CSMD3: variants seen among roughly 807,000 people sequenced by gnomAD.
CSMD3 encodes the protein CUB and sushi domain-containing protein 3.
Under a neutral mutation model 435.2 loss-of-function variants are expected in CSMD3, and 177 were observed. That is an observed-to-expected ratio of 0.41 (90% confidence interval 0.36 to 0.46). CSMD3 has a LOEUF of 0.46. Among genes scored for constraint, CSMD3 ranks in the 20% least tolerant of loss-of-function variants. The pLI is 0.34. For missense variants in CSMD3, 4,265 were observed against 4,504.6 expected (o/e 0.95, Z 1.52); for synonymous variants, 1,656 against 1,520.5 (o/e 1.09, Z -2.07).
At chr8:112,564,926 T>C (rs1488771080) in intron 24 of CSMD3, among the ~76,000 whole-genome samples, 3 of 152,124 alleles carry the variant, frequency 2.0e-5, no homozygotes, top group African/African-American at 7.2e-5. Context: ...AGTTTTGATA[T>C]TTACATTTAG....
intron 40 of CSMD3, among the ~76,000 whole-genome samples, chr8:112,350,417 A>C (rs1826031166): frequency 6.6e-6 from 1 of 151,978 alleles, no homozygotes; most frequent in Admixed American, 6.6e-5. Flanking sequence ...TACTTTAGTC[A>C]ACCCCAGTCT....
intron 23 of CSMD3, among the ~76,000 whole-genome samples, chr8:112,582,630 A>G (rs1586732406): frequency 6.6e-6 from 1 of 152,034 alleles, no homozygotes; most frequent in African/African-American, 2.4e-5. Flanking sequence ...GAGCCAAAGC[A>G]TAACATGAAA....
intron 4 of CSMD3, among the ~76,000 whole-genome samples, chr8:113,126,087 G>A (rs995917587): frequency 4.6e-5 from 7 of 152,064 alleles, no homozygotes; most frequent in African/African-American, 1.7e-4. Flanking sequence ...CACTTGAGAG[G>A]AGAAGGCATA....
At chr8:112,389,265 T>C (rs1228227717) in intron 36 of CSMD3, among the ~76,000 whole-genome samples, 2 of 152,170 alleles carry the variant, frequency 1.3e-5, no homozygotes, top group Non-Finnish European at 2.9e-5. Context: ...ATTTAATATA[T>C]AGATGCTCTT....
chr8:113,021,995 T>C (rs1324174565), intron 5 of CSMD3, among the ~76,000 whole-genome samples: 1 of 152,176 alleles, frequency 6.6e-6, no homozygotes, highest in East Asian at 1.9e-4. Flanking sequence ...CAGTCATTGG[T>C]TATAGGCGAG....
rs191820282 is a variant in CSMD3 at position 112,230,560 on chromosome 8, G to A, written c.10828+985C>T. Among the ~76,000 whole-genome samples, 291 of 152,226 alleles carry A rather than the reference G, an allele frequency of 1.9e-3. 3 individuals carry two copies. Among genetic ancestry groups the A allele is most frequent in the Middle Eastern group, 3.4e-3 (1 of 294 alleles). ...TCCCAGCACTTGGGGAGGCCAAGGC[G>A]GGCGGATCACCTGAGGTCAGGAGTT... On this transcript the variant is annotated intron_variant, in intron 69 of 70. Coordinates refer to ENST00000297405, the MANE Select transcript of CSMD3 (RefSeq NM_198123.2).
intron 12 of CSMD3, among the ~76,000 whole-genome samples, chr8:112,823,697 G>T (rs1340394015): frequency 6.6e-6 from 1 of 152,042 alleles, no homozygotes; most frequent in Non-Finnish European, 1.5e-5. Flanking sequence ...TGTTTGTTAT[G>T]ATTTCAGTTC....
At chr8:112,755,248 G>A (rs576984185) in intron 13 of CSMD3, among the ~76,000 whole-genome samples, 110 of 151,884 alleles carry the variant, frequency 7.2e-4, no homozygotes, top group Non-Finnish European at 1.3e-3. Context: ...GGAGAATGGC[G>A]TGAACCCGGG....
At chr8:112,420,269 T>C (rs1055199906) in intron 32 of CSMD3, among the ~76,000 whole-genome samples, 2 of 152,174 alleles carry the variant, frequency 1.3e-5, no homozygotes, top group African/African-American at 4.8e-5. Flanking sequence ...TGTCTCTTCC[T>C]ATCCGACCTG....
rs2130756366 is a variant in CSMD3 at position 112,301,778 on chromosome 8, A to T, written c.8440+15T>A. 6.2e-7 allele frequency: 1 copy of T among 1,610,804 alleles called. No individual in the cohort carries two copies. On this transcript the variant is annotated intron_variant, in intron 53 of 70. Transcript: ENST00000297405. ...GCAGGGGGAAGTTTGACAAAAACAA[A>T]TTAAAAATCTGTACCTAGGCATCTG...
intron 16 of CSMD3, among the ~76,000 whole-genome samples, chr8:112,682,223 C>CT (rs940542852): frequency 2.6e-4 from 39 of 151,708 alleles, no homozygotes; most frequent in African/African-American, 8.7e-4. Context: ...TTAATAAGAG[C>CT]TTTTTTTAAA....
At chr8:112,455,031 A>C (rs1388265155) in intron 32 of CSMD3, among the ~76,000 whole-genome samples, 3 of 149,696 alleles carry the variant, frequency 2.0e-5, no homozygotes, top group African/African-American at 7.4e-5. Flanking sequence ...CCCTATATTA[A>C]AAAAAAAAAA....
intron 1 of CSMD3, chr8:113,376,803 GGTT>G (rs2094386726): frequency 1.4e-5 from 22 of 1,613,878 alleles, no homozygotes; most frequent in Non-Finnish European, 1.7e-5. Flanking sequence ...CATTCAACCG[GGTT>G]GTGCTGAAGA....
intron 10 of CSMD3, among the ~76,000 whole-genome samples, chr8:112,877,698 T>A (rs1009663172): frequency 1.3e-5 from 2 of 152,144 alleles, no homozygotes; most frequent in African/African-American, 2.4e-5. Flanking sequence ...CAAAACAGCA[T>A]GGTACTGGTA....
At chr8:112,613,789 A>T (rs1399478373) in intron 22 of CSMD3, among the ~76,000 whole-genome samples, 1 of 152,144 alleles carries the variant, frequency 6.6e-6, no homozygotes, top group East Asian at 1.9e-4. Context: ...TGATGTATCT[A>T]TTCTCCTGAG....
chr8:113,080,633 T>C (rs147339418), intron 5 of CSMD3, among the ~76,000 whole-genome samples: 1 of 152,320 alleles, frequency 6.6e-6, no homozygotes. Context: ...GATTTTCTAC[T>C]ACTATGAATA....
At chr8:112,904,204 G>A (rs1231041243) in intron 10 of CSMD3, among the ~76,000 whole-genome samples, 1 of 151,370 alleles carries the variant, frequency 6.6e-6, no homozygotes, top group East Asian at 2.0e-4. Flanking sequence ...AGACATTCAA[G>A]ATCTATTGTA....
intron 2 of CSMD3, chr8:113,312,927 G>A (rs933988800): frequency 1.3e-5 from 2 of 152,114 alleles, no homozygotes; most frequent in East Asian, 3.9e-4. Context: ...CTCGGTAAAC[G>A]AGTATAGAGG....
intron 5 of CSMD3, among the ~76,000 whole-genome samples, chr8:113,054,675 CTT>C (rs2088241441): frequency 1.3e-5 from 2 of 152,244 alleles, no homozygotes; most frequent in South Asian, 2.1e-4. Flanking sequence ...GAAATCCCAA[CTT>C]TATGTTTTCC....
Sources: allele counts gnomAD v4.1 joint callset (sites outside exome capture counted in the v4.1 genomes callset), GRCh38; gene constraint gnomAD v4.1.1; transcripts MANE v1.5; gene names NCBI Gene and HGNC (gene_info 2026-07-23, HGNC 2026-07-21).